Variants in FAM114A1 observed in about 807,000 individuals in gnomAD.
The protein encoded by FAM114A1 is protein NOXP20.
FAM114A1 carries 62 observed loss-of-function variants against 64.3 expected under a neutral mutation model. The observed-to-expected ratio is 0.96, with a 90% confidence interval of 0.79 to 1.19. The LOEUF (loss-of-function observed/expected upper bound fraction) is 1.19, where lower values mean the gene tolerates loss of function less well. Ranked by LOEUF, FAM114A1 falls within the 50% of genes most tolerant of loss-of-function variation. FAM114A1 has a pLI of 0.00. For synonymous variants in FAM114A1, 254 were observed against 251.1 expected, an observed-to-expected ratio of 1.01 and a Z score of -0.11; for missense variants, 645 against 676.3, an observed-to-expected ratio of 0.95 and a Z score of 0.51.
At chr4:38,943,191 CAA>C (rs1255932256) in intron 14 of FAM114A1, among the ~76,000 whole-genome samples, 281 of 88,810 alleles carry the variant, frequency 3.2e-3, no homozygotes, top group East Asian at 1.6e-3. Flanking sequence ...GACTCTGTCT[CAA>C]AAAAAAAAAA....
intron 10 of FAM114A1, among the ~76,000 whole-genome samples, chr4:38,929,868 C>A (rs994653996): frequency 6.6e-6 from 1 of 152,164 alleles, no homozygotes; most frequent in Non-Finnish European, 1.5e-5. Context: ...GTCATGAGAT[C>A]TGCATTTTAG....
At chr4:38,889,916 C>A (rs1397999700) in intron 3 of FAM114A1, among the ~76,000 whole-genome samples, 1 of 152,140 alleles carries the variant, frequency 6.6e-6, no homozygotes, top group African/African-American at 2.4e-5. Flanking sequence ...GACTCCTTGG[C>A]CTTTCCCTTG....
chr4:38,915,745 GT>G (rs1718985575), intron 8 of FAM114A1, among the ~76,000 whole-genome samples: 29 of 9,774 alleles, frequency 3.0e-3, no homozygotes, highest in African/African-American at 0.015. Flanking sequence ...ATCTATAGTG[GT>G]GTGTGTGTGT....
chr4:38,887,174 G>A lies in FAM114A1; in HGVS notation c.349-4569G>A, dbSNP rs137994024. On this transcript the variant is annotated intron_variant, in intron 3 of 14. Transcript: ENST00000358869. ...TTTGGTGTAGGCCTGTGTATATTTTGTGCATAAAAAGAACTACTCAAATGT... is the reference window on the plus strand; with the variant it reads ...TTTGGTGTAGGCCTGTGTATATTTTATGCATAAAAAGAACTACTCAAATGT... Among the ~76,000 whole-genome samples, 402 of 152,240 alleles carry A rather than the reference G, an allele frequency of 2.6e-3. 1 individual carries two copies. The highest frequency in any genetic ancestry group is 6.8e-3 in the Middle Eastern group (2 of 294).
chr4:38,930,272 T>C (rs1428730794), intron 10 of FAM114A1, among the ~76,000 whole-genome samples: 4 of 152,210 alleles, frequency 2.6e-5, no homozygotes, highest in African/African-American at 9.7e-5. Flanking sequence ...CATGATGTTT[T>C]TCCATTCTCT....
At position 38,905,652 on chromosome 4, in the gene FAM114A1, C is replaced by G. The variant is rs748910174; in HGVS notation, c.550+17C>G. 6.2e-7 allele frequency: 1 copy of G among 1,611,684 alleles called. No individual in the cohort carries two copies. The highest frequency in any genetic ancestry group is 8.5e-7 in the Non-Finnish European group (1 of 1,178,146). On this transcript the variant is annotated intron_variant, in intron 5 of 14. Coordinates refer to ENST00000358869, the MANE Select transcript of FAM114A1 (RefSeq NM_138389.4). ...TCCCTGAAAGTGAGTGATGTGTCTC[C>G]TCTGGGTGTTCTTGGACTTTATTAC...
At chr4:38,908,250 A>C (rs573364190) in intron 6 of FAM114A1, among the ~76,000 whole-genome samples, 10 of 152,154 alleles carry the variant, frequency 6.6e-5, no homozygotes, top group Non-Finnish European at 1.2e-4. Flanking sequence ...ATGTCTTAGC[A>C]ATTTATTTTA....
rs115888259 is a variant in FAM114A1, at chr4:38,933,176, T to A, written c.1463+802T>A. ...CAGAAATAAGGATTTCTTTAGCAAG[T>A]GCATTATGTTAGCAAGAAGAAGACT... On this transcript the variant is annotated intron_variant, in intron 12 of 14. Coordinates refer to ENST00000358869, the MANE Select transcript of FAM114A1 (RefSeq NM_138389.4). 4.6e-3 allele frequency among the ~76,000 whole-genome samples: 703 copies of A among 152,240 alleles called. 6 individuals are homozygous for A. Among genetic ancestry groups the A allele is most frequent in the African/African-American group, 0.017 (686 of 41,538 alleles).
Position 38,931,414 on chromosome 4 carries a change from C to T in FAM114A1, c.1162-37C>T, listed in dbSNP as rs374615662. 2.0e-4 allele frequency: 317 copies of T among 1,561,514 alleles called. 1 individual carries two copies. In the African/African-American group the frequency reaches 3.8e-3, roughly 19 times the overall value. Reference sequence around the variant, plus strand: ...TGGAATGACTTAGTTTCCATATTTGCGCCATAAAAGGATTGTTTGGTTGGG... The same window carrying T: ...TGGAATGACTTAGTTTCCATATTTGTGCCATAAAAGGATTGTTTGGTTGGG... On this transcript the variant is annotated intron_variant, in intron 10 of 14. Transcript: ENST00000358869.
intron 8 of FAM114A1, among the ~76,000 whole-genome samples, chr4:38,915,791 GTGTT>G: frequency 7.1e-6 from 1 of 139,966 alleles, no homozygotes; most frequent in South Asian, 2.3e-4. Flanking sequence ...GTGTGTGTGT[GTGTT>G]TATTTAGCAA....
At chr4:38,932,465 C>T in intron 12 of FAM114A1, 91 bp downstream of exon 12, 1 of 1,264,822 alleles carries the variant, frequency 7.9e-7, no homozygotes, top group Non-Finnish European at 1.1e-6. Context: ...CCCTCTAAGC[C>T]ACTAGAAGAT....
intron 6 of FAM114A1, 81 bp downstream of exon 6, chr4:38,905,942 A>AT: frequency 8.1e-7 from 1 of 1,237,492 alleles, no homozygotes. Flanking sequence ...AGTGACCTAG[A>AT]TACATCAGAG....
At chr4:38,941,156 A>T (rs1201746651) in intron 14 of FAM114A1, 135 bp downstream of exon 14, 4 of 732,908 alleles carry the variant, frequency 5.5e-6, no homozygotes, top group Non-Finnish European at 6.7e-6. Flanking sequence ...TTTTTTGAGT[A>T]AATTTGTGTA....
At chr4:38,936,812 A>G (rs1721150444) in intron 13 of FAM114A1, among the ~76,000 whole-genome samples, 1 of 152,064 alleles carries the variant, frequency 6.6e-6, no homozygotes, top group South Asian at 2.1e-4. Context: ...CGGCCTCCCA[A>G]ACTGCTGGAT....
At chr4:38,878,881 A>G (rs986786970) in intron 3 of FAM114A1, among the ~76,000 whole-genome samples, 7 of 152,208 alleles carry the variant, frequency 4.6e-5, no homozygotes, top group African/African-American at 1.7e-4. Context: ...AAACAAGTCA[A>G]TGTTTCTTTA....
intron 4 of FAM114A1, among the ~76,000 whole-genome samples, chr4:38,903,634 T>G (rs536315893): frequency 7.9e-5 from 12 of 152,336 alleles, no homozygotes; most frequent in Middle Eastern, 3.4e-3. Context: ...TCCTCTAACT[T>G]AAATGTGTTA....
intron 4 of FAM114A1, among the ~76,000 whole-genome samples, chr4:38,898,969 A>G (rs193253411): frequency 5.4e-4 from 58 of 107,084 alleles, no homozygotes; most frequent in African/African-American, 1.3e-3. Context: ...TATATGTAAT[A>G]TATATGTTAT....
At chr4:38,940,895 G>GTATTA (rs1485814684) in intron 13 of FAM114A1, 73 bp from the exon 14 acceptor site, 10 of 1,455,768 alleles carry the variant, frequency 6.9e-6, no homozygotes, top group Non-Finnish European at 9.6e-6. Context: ...CAAAGCTAGT[G>GTATTA]TATTACATTT....
chr4:38,943,530 G>T lies in FAM114A1; in HGVS notation c.1665G>T (p.Gln555His), dbSNP rs1415848662. 1.2e-6 allele frequency: 2 copies of T among 1,613,986 alleles called. No homozygotes were observed. The highest frequency in any genetic ancestry group is 1.3e-5 in the African/African-American group (1 of 75,026). ...CTGTTCTGCAGGTCTCACATATCCA[G>T]ACCAGTTGTTTGAAAGCACAGCCGT... ...LLPVLQVSHI[Q>H]TSCLKAQP Residue 555 changes from glutamine (Q) to histidine (H), a missense_variant, in exon 15 of 15, where the codon CAG becomes CAT. By Grantham distance (24) the Gln-to-His change is conservative. Coordinates refer to ENST00000358869, the MANE Select transcript of FAM114A1 (RefSeq NM_138389.4).
Sources: allele counts gnomAD v4.1 joint callset (sites outside exome capture counted in the v4.1 genomes callset), GRCh38; gene constraint gnomAD v4.1.1; transcripts MANE v1.5; gene names NCBI Gene and HGNC (gene_info 2026-07-23, HGNC 2026-07-21).